The following TRUB2 variants were observed in gnomAD, a reference collection of about 807,000 sequenced individuals.
TRUB2 encodes the protein TruB pseudouridine synthase family member 2, also known as pseudouridylate synthase TRUB2, mitochondrial.
In TRUB2, 31 loss-of-function variants were observed where a neutral mutation model predicts 31.9. The ratio of observed to expected loss-of-function variants is 0.97; its 90% confidence interval spans 0.73 to 1.31. The LOEUF is 1.31. TRUB2 is among the 50% of genes most tolerant of loss of function. TRUB2 has a pLI of 0.00. For synonymous variants in TRUB2, 201 were observed against 182.6 expected, an observed-to-expected ratio of 1.10 and a Z score of -0.81; for missense variants, 451 against 439.6, an observed-to-expected ratio of 1.03 and a Z score of -0.23.
rs545026119 is a variant in TRUB2 at position 128,321,707 on chromosome 9, CG to C, written c.132del (p.Ala45LeufsTer21). 2,623 of 1,613,630 alleles carry C rather than the reference CG, an allele frequency of 1.6e-3. No individual in the cohort carries two copies. The highest frequency in any genetic ancestry group is 2.0e-3 in the Non-Finnish European group (2,381 of 1,180,018). On this transcript the variant is annotated frameshift_variant, in exon 2 of 8. Coordinates refer to ENST00000372890, the MANE Select transcript of TRUB2 (RefSeq NM_015679.3). LOFTEE classifies it high-confidence loss of function. ...LLKGLNARKP[P>X]APKQRVRFLL... Reference sequence around the variant, plus strand: ...AAGAAGCGAACACGCTGTTTAGGAGCGGGAGGCTTCCTGGCATTGAGACCTG... The same window carrying C: ...AAGAAGCGAACACGCTGTTTAGGAGCGGAGGCTTCCTGGCATTGAGACCTG...
At chr9:128,318,708 A>G (rs971598460) in intron 2 of TRUB2, among the ~76,000 whole-genome samples, 1 of 151,728 alleles carries the variant, frequency 6.6e-6, no homozygotes, top group Admixed American at 6.6e-5. Context: ...AATTTTTTGT[A>G]TTTTTAGTAG....
chr9:128,313,786 G>A (rs752687553), intron 5 of TRUB2, 22 bp downstream of exon 5: 39 of 1,611,204 alleles, frequency 2.4e-5, no homozygotes, highest in East Asian at 4.5e-5. Flanking sequence ...GGGAGGCAGC[G>A]GCAGCCACTT....
chr9:128,312,586 A>C (rs1447674183), intron 5 of TRUB2, among the ~76,000 whole-genome samples: 1 of 147,148 alleles, frequency 6.8e-6, no homozygotes, highest in Admixed American at 6.8e-5. Flanking sequence ...GTGCACTACC[A>C]TGCCCGGCTA....
intron 5 of TRUB2, among the ~76,000 whole-genome samples, chr9:128,313,078 G>A (rs1024449068): frequency 3.3e-5 from 5 of 152,010 alleles, no homozygotes; most frequent in Non-Finnish European, 7.4e-5. Flanking sequence ...TTAGCTGGGT[G>A]TGGTGGTGTG....
At chr9:128,311,784 TA>T (rs375078342) in intron 5 of TRUB2, among the ~76,000 whole-genome samples, 183 bp from the exon 6 acceptor site, 41,270 of 150,416 alleles carry the variant, frequency 0.27, 10,324 homozygotes, top group African/African-American at 0.67. Flanking sequence ...CTCAGAAAGA[TA>T]CTGGATCTCA....
Position 128,309,372 on chromosome 9 carries a change from C to T in TRUB2, c.*178G>A. The T allele has an allele frequency of 1.6e-6, 1 of 637,160 alleles. No homozygotes were observed. Among genetic ancestry groups the T allele is most frequent in the Non-Finnish European group, 2.7e-6 (1 of 372,798 alleles). 39.5% of individuals were successfully genotyped at this position (637,160 alleles called of 1,614,324 possible). ...CTGTCATGTTTACTGTCTTTTCCTC[C>T]ATACAGAAGTTTTTCCTTCTCAGTT... is the stretch of plus-strand genomic sequence containing the variant. On this transcript the variant is annotated 3_prime_UTR_variant, in exon 8 of 8. Transcript: ENST00000372890.
chr9:128,322,111 C>T (rs560137245), intron 1 of TRUB2, among the ~76,000 whole-genome samples, 189 bp downstream of exon 1: 1 of 152,288 alleles, frequency 6.6e-6, no homozygotes, highest in South Asian at 2.1e-4. Flanking sequence ...AGGAACAATA[C>T]TGAGTCAGTT....
At chr9:128,322,000 G>A (rs1448850912) in intron 1 of TRUB2, among the ~76,000 whole-genome samples, 1 of 152,218 alleles carries the variant, frequency 6.6e-6, no homozygotes, top group East Asian at 1.9e-4. Context: ...GAAGTATGAT[G>A]TAGAAGACAA....
intron 6 of TRUB2, 74 bp from the exon 7 acceptor site, chr9:128,311,097 G>C: frequency 3.2e-6 from 5 of 1,575,112 alleles, no homozygotes; most frequent in Non-Finnish European, 4.3e-6. Flanking sequence ...CTCTCTGGAA[G>C]CTCCTCACTT....
At chr9:128,314,932 A>T (rs1266152927) in intron 4 of TRUB2, among the ~76,000 whole-genome samples, 1 of 152,116 alleles carries the variant, frequency 6.6e-6, no homozygotes, top group East Asian at 1.9e-4. Context: ...TAATTAGGTA[A>T]TCTACCCAAG....
chr9:128,315,018 C>T (rs1391155916), intron 4 of TRUB2, among the ~76,000 whole-genome samples: 1 of 152,182 alleles, frequency 6.6e-6, no homozygotes, highest in African/African-American at 2.4e-5. Flanking sequence ...TGCCCTTAAC[C>T]ACTAAAAACA....
chr9:128,322,176 T>C, intron 1 of TRUB2, 124 bp downstream of exon 1: 1 of 734,300 alleles, frequency 1.4e-6, no homozygotes, highest in Non-Finnish European at 2.3e-6. Flanking sequence ...AGAACAGGCG[T>C]TTGGGAAAGC....
intron 5 of TRUB2, among the ~76,000 whole-genome samples, chr9:128,312,073 G>C (rs145273490): frequency 0.048 from 7,280 of 150,516 alleles, 208 homozygotes; most frequent in Middle Eastern, 0.11. Flanking sequence ...CTGACCTCGT[G>C]ATCCGCCCGC....
intron 5 of TRUB2, among the ~76,000 whole-genome samples, chr9:128,312,941 C>T (rs1564383388): frequency 1.3e-5 from 2 of 149,452 alleles, no homozygotes; most frequent in African/African-American, 2.4e-5. Flanking sequence ...AGTAGCCAGG[C>T]GTGGTGACTC....
At chr9:128,311,746 C>T in intron 5 of TRUB2, 145 bp from the exon 6 acceptor site, 1 of 752,984 alleles carries the variant, frequency 1.3e-6, no homozygotes, top group Non-Finnish European at 2.3e-6. Flanking sequence ...GTTGGGAGTC[C>T]TTTGAGATTC....
chr9:128,321,132 T>C (rs927984011), intron 2 of TRUB2, among the ~76,000 whole-genome samples: 1 of 152,206 alleles, frequency 6.6e-6, no homozygotes, highest in African/African-American at 2.4e-5. Context: ...TCACCTTGAG[T>C]GGATTCAACA....
chr9:128,310,736 C>T (rs1473559645), intron 7 of TRUB2, 151 bp downstream of exon 7: 9 of 1,047,190 alleles, frequency 8.6e-6, no homozygotes, highest in East Asian at 2.5e-5. Flanking sequence ...GGAAGGAAGT[C>T]GGCACCTGAT....
chr9:128,311,740 G>C, intron 5 of TRUB2, 139 bp from the exon 6 acceptor site: 1 of 826,548 alleles, frequency 1.2e-6, no homozygotes, highest in South Asian at 1.6e-5. Flanking sequence ...GGGGTGGTTG[G>C]GAGTCCTTTG....
intron 1 of TRUB2, 127 bp from the exon 2 acceptor site, chr9:128,321,857 G>A (rs1832187776): frequency 9.4e-7 from 1 of 1,067,168 alleles, no homozygotes; most frequent in Non-Finnish European, 1.3e-6. Flanking sequence ...ATAGCTCACT[G>A]TAACGTCAAA....
Sources: gnomAD v4.1 joint callset for allele counts (sites outside exome capture counted in the v4.1 genomes callset) on GRCh38, gnomAD v4.1.1 for gene constraint, MANE v1.5 for transcripts, NCBI Gene and HGNC (gene_info 2026-07-23, HGNC 2026-07-21) for gene names.